The following CCDC127 variants were observed in gnomAD, a reference collection of about 807,000 sequenced individuals.
CCDC127 encodes the protein coiled-coil domain-containing protein 127.
Under a neutral mutation model 4.1 loss-of-function variants are expected in CCDC127, and 2 were observed. The ratio of observed to expected loss-of-function variants is 0.49; its 90% CI spans 0.20 to 1.53. CCDC127 has a LOEUF of 1.53. CCDC127 is among the 40% of genes most tolerant of loss of function. The pLI, the probability that CCDC127 is intolerant of heterozygous loss-of-function variation, is 0.23. For synonymous variants in CCDC127, 98 were observed against 120.4 expected, an observed-to-expected ratio of 0.81 and a Z score of 1.22; for missense variants, 271 against 322.9, an observed-to-expected ratio of 0.84 and a Z score of 1.23.
chr5:215,575 A>G (rs1455633035), intron 2 of CCDC127: 1 of 152,084 alleles, frequency 6.6e-6, no homozygotes, highest in Non-Finnish European at 1.5e-5. Flanking sequence ...CAGGCGGATG[A>G]GCTTTTTACA....
intron 2 of CCDC127, among the ~76,000 whole-genome samples, chr5:206,953 C>A (rs1427265450): frequency 1.3e-5 from 2 of 152,174 alleles, no homozygotes; most frequent in Non-Finnish European, 2.9e-5. Context: ...CCCCTACTAA[C>A]TGTGGGACTC....
At chr5:211,165 C>A (rs397832588) in intron 2 of CCDC127, among the ~76,000 whole-genome samples, 1 of 71,654 alleles carries the variant, frequency 1.4e-5, no homozygotes, top group Non-Finnish European at 2.6e-5. Flanking sequence ...ACACCCATCA[C>A]GATGGGGCAG....
intron 2 of CCDC127, among the ~76,000 whole-genome samples, chr5:209,797 C>T (rs1406173428): frequency 6.6e-6 from 1 of 152,108 alleles, no homozygotes; most frequent in East Asian, 1.9e-4. Context: ...GCTCCAGAGA[C>T]AAAAGACGGG....
At position 203,627 on chromosome 5, in the gene CCDC127, C is replaced by T. The variant is rs11742897; in HGVS notation, c.*1670G>A. 52,153 of 152,130 alleles carry T rather than the reference C, an allele frequency of 0.34. 10,851 individuals are homozygous for T. The highest frequency in any genetic ancestry group is 0.58 in the African/African-American group (24,207 of 41,504). 9.4% of individuals were successfully genotyped at this position (152,130 alleles called of 1,614,324 possible). A position where few individuals can be genotyped will look rare whatever the true frequency, so the allele number is the denominator to read the frequency against. On this transcript the variant is annotated 3_prime_UTR_variant, in exon 3 of 3. Transcript: ENST00000296824. ...TTAGGATTTTTAACAGTTGCTCCTA[C>T]TCCCGTACAGACGGGCAGGAGGGGA... is the stretch of plus-strand genomic sequence containing the variant.
chr5:213,289 C>A (rs878888680), intron 2 of CCDC127, among the ~76,000 whole-genome samples: 223 of 42,278 alleles, frequency 5.3e-3, no homozygotes, highest in Middle Eastern at 0.016. Flanking sequence ...GCAGCCACGA[C>A]GAGACAGCAC....
At chr5:211,188 T>C (rs1734278892) in intron 2 of CCDC127, among the ~76,000 whole-genome samples, 2 of 120,550 alleles carry the variant, frequency 1.7e-5, no homozygotes, top group South Asian at 2.8e-4. Context: ...GGGACAGCAG[T>C]GTGAGCACGC....
At chr5:208,936 G>C (rs1425566357) in intron 2 of CCDC127, among the ~76,000 whole-genome samples, 1 of 152,220 alleles carries the variant, frequency 6.6e-6, no homozygotes, top group African/African-American at 2.4e-5. Context: ...CTGGATGAGA[G>C]ATGGCAGTAT....
chr5:215,489 G>C (rs1734362878), intron 2 of CCDC127: 1 of 152,084 alleles, frequency 6.6e-6, no homozygotes, highest in Admixed American at 6.5e-5. Flanking sequence ...GTAATTTTAA[G>C]CCTTCCAATC....
intron 2 of CCDC127, among the ~76,000 whole-genome samples, chr5:213,365 A>G (rs1253335483): frequency 2.4e-5 from 2 of 85,076 alleles, no homozygotes; most frequent in East Asian, 2.7e-4. Context: ...GACATCGCAC[A>G]CTGCAGCCAT....
At chr5:206,067 A>G (rs1734165886) in intron 2 of CCDC127, 109 bp from the exon 3 acceptor site, 2 of 978,238 alleles carry the variant, frequency 2.0e-6, no homozygotes, top group Admixed American at 5.1e-5. Flanking sequence ...TAAAAGCTTA[A>G]GACCTCGGCT....
intron 2 of CCDC127, among the ~76,000 whole-genome samples, chr5:210,464 T>C (rs1449810788): frequency 6.6e-6 from 1 of 152,124 alleles, no homozygotes; most frequent in Non-Finnish European, 1.5e-5. Context: ...AACAGTCCTA[T>C]TAGGAAACGG....
rs1734115272 is a variant in CCDC127, at chr5:203,703, C to T, written c.*1594G>A. ...ACAACCTGCTCCCGCTCCTGCCTGG[C>T]CACACACTATCAAATCACTGCACAC... On this transcript the variant is annotated 3_prime_UTR_variant, in exon 3 of 3. Coordinates refer to ENST00000296824, the MANE Select transcript of CCDC127 (RefSeq NM_145265.3). 6.6e-6 allele frequency: 1 copy of T among 152,258 alleles called. No homozygotes were observed. Among genetic ancestry groups the T allele is most frequent in the African/African-American group, 2.4e-5 (1 of 41,452 alleles). 9.4% of individuals were successfully genotyped at this position (152,258 alleles called of 1,614,324 possible).
chr5:203,548 G>A lies in CCDC127; in HGVS notation c.*1749C>T, dbSNP rs1734111398. On this transcript the variant is annotated 3_prime_UTR_variant, in exon 3 of 3. Coordinates refer to ENST00000296824, the MANE Select transcript of CCDC127 (RefSeq NM_145265.3). Reference sequence around the variant, plus strand: ...TGTAAAGCGTGTACAGCTCAGGGTGGAACATGCACTCCATGAATAGTGGCT... The same window carrying A: ...TGTAAAGCGTGTACAGCTCAGGGTGAAACATGCACTCCATGAATAGTGGCT... 6.6e-6 allele frequency: 1 copy of A among 152,278 alleles called. No individual in the cohort carries two copies. The allele number at this position is 152,278 out of a possible 1,614,324, so 9.4% of individuals were successfully genotyped here.
rs555127998 is a variant in CCDC127 at position 198,008 on chromosome 5, G to A, written c.*7289C>T. On this transcript the variant is annotated 3_prime_UTR_variant, in exon 3 of 3. Transcript: ENST00000296824. ...CCCCAGGTCACCCCCACCCAGGTTT[G>A]TCTCCATCCCCTTTCTCCTTCTGCC... 2 of 145,968 alleles carry A rather than the reference G, an allele frequency of 1.4e-5. No homozygotes were observed. Among genetic ancestry groups the A allele is most frequent in the African/African-American group, 2.5e-5 (1 of 39,672 alleles). 9.0% of individuals were successfully genotyped at this position (145,968 alleles called of 1,614,324 possible).
rs538705581 is a variant in CCDC127, at chr5:197,056, T to C, written c.*8241A>G. 6.6e-4 allele frequency: 100 copies of C among 151,434 alleles called. No individual in the cohort carries two copies. Among genetic ancestry groups the C allele is most frequent in the African/African-American group, 1.9e-3 (79 of 41,132 alleles). 9.4% of individuals were successfully genotyped at this position (151,434 alleles called of 1,614,324 possible). On this transcript the variant is annotated 3_prime_UTR_variant, in exon 3 of 3. Coordinates refer to ENST00000296824, the MANE Select transcript of CCDC127 (RefSeq NM_145265.3). ...AAACGTGTGAGCAAAAGAATCTATGTCGTAATTAAGTTCAAGGGAAGGTAC... is the reference window on the plus strand; with the variant it reads ...AAACGTGTGAGCAAAAGAATCTATGCCGTAATTAAGTTCAAGGGAAGGTAC...
Position 218,130 on chromosome 5 carries a change from C to T in CCDC127, c.-48G>A, listed in dbSNP as rs1327713824. 8.1e-7 allele frequency: 1 copy of T among 1,232,842 alleles called. No homozygotes were observed. Among genetic ancestry groups the T allele is most frequent in the Non-Finnish European group, 1.0e-6 (1 of 985,800 alleles). 76.4% of individuals were successfully genotyped at this position (1,232,842 alleles called of 1,614,324 possible). On this transcript the variant is annotated 5_prime_UTR_variant, in exon 1 of 3. Transcript: ENST00000296824. ...GCGCGGGACCTCAGCGTTCCCTTAA[C>T]GCCACCGTCCGCGGGTCCGCTTTGC... is the stretch of plus-strand genomic sequence containing the variant.
At chr5:214,404 T>C (rs1734339158) in intron 2 of CCDC127, 1 of 152,086 alleles carries the variant, frequency 6.6e-6, no homozygotes, top group Non-Finnish European at 1.5e-5. Context: ...AGAAACTGAG[T>C]TGGGCCCAGT....
intron 2 of CCDC127, among the ~76,000 whole-genome samples, chr5:210,218 C>G (rs923121804): frequency 2.6e-5 from 4 of 152,204 alleles, no homozygotes; most frequent in African/African-American, 9.7e-5. Context: ...AAAAAACCTT[C>G]AGGATCTAGA....
At chr5:211,213 G>C (rs57235434) in intron 2 of CCDC127, among the ~76,000 whole-genome samples, 1 of 80,594 alleles carries the variant, frequency 1.2e-5, no homozygotes, top group Non-Finnish European at 2.3e-5. Context: ...GCTCGACATC[G>C]CACACTGCAG....
Sources: gnomAD v4.1 joint callset for allele counts (sites outside exome capture counted in the v4.1 genomes callset) on GRCh38, gnomAD v4.1.1 for gene constraint, MANE v1.5 for transcripts, NCBI Gene and HGNC (gene_info 2026-07-23, HGNC 2026-07-21) for gene names.